Variants in MAP2 observed in about 807,000 individuals in gnomAD.
The protein encoded by MAP2 is microtubule associated protein 2.
Under a neutral mutation model 137.6 loss-of-function variants are expected in MAP2, and 14 were observed. The ratio of observed to expected loss-of-function variants is 0.10; its 90% CI spans 0.07 to 0.16. The LOEUF is 0.16. Ranked by LOEUF, MAP2 falls within the 10% of genes least tolerant of loss-of-function variation. The pLI, the probability that MAP2 is intolerant of heterozygous loss-of-function variation, is 1.00. For missense variants in MAP2, 2,088 were observed against 2,191.5 expected, an observed-to-expected ratio of 0.95 and a Z score of 0.94; for synonymous variants, 786 against 782.3, an observed-to-expected ratio of 1.00 and a Z score of -0.08.
intron 6 of MAP2, among the ~76,000 whole-genome samples, chr2:209,679,502 C>T (rs918839342): frequency 8.0e-5 from 12 of 150,704 alleles, no homozygotes; most frequent in South Asian, 2.1e-4. Context: ...GGTATATACA[C>T]GTGAGTCATA....
chr2:209,696,512 G>A (rs776897251), intron 8 of MAP2, 30 bp from the exon 9 acceptor site: 5 of 1,564,344 alleles, frequency 3.2e-6, no homozygotes, highest in Admixed American at 3.6e-5. Flanking sequence ...CACTGTTGTT[G>A]TTGTTGTCAT....
intron 3 of MAP2, among the ~76,000 whole-genome samples, chr2:209,623,453 A>G (rs1214291884): frequency 1.3e-5 from 2 of 152,186 alleles, no homozygotes; most frequent in South Asian, 2.1e-4. Flanking sequence ...AATCATGAAG[A>G]TGAAGCACAA....
chr2:209,652,804 A>C (rs1390487852), intron 4 of MAP2, among the ~76,000 whole-genome samples: 2 of 152,204 alleles, frequency 1.3e-5, no homozygotes, highest in Non-Finnish European at 2.9e-5. Context: ...ATTAAATGAA[A>C]GTTCATTAAG....
chr2:209,669,725 G>C (rs1433898505), intron 5 of MAP2, among the ~76,000 whole-genome samples: 2 of 151,854 alleles, frequency 1.3e-5, no homozygotes, highest in Admixed American at 6.6e-5. Context: ...GTACAGATGA[G>C]ACTTTAAAAG....
chr2:209,433,243 A>T (rs1401995690), intron 1 of MAP2, among the ~76,000 whole-genome samples: 1 of 152,164 alleles, frequency 6.6e-6, no homozygotes, highest in East Asian at 1.9e-4. Flanking sequence ...AATATACAAT[A>T]AACATATATA....
chr2:209,711,711 C>T (rs2065545156), intron 13 of MAP2, among the ~76,000 whole-genome samples: 1 of 152,092 alleles, frequency 6.6e-6, no homozygotes, highest in South Asian at 2.1e-4. Context: ...GTTGCATCAT[C>T]TTTATATTTA....
chr2:209,513,509 T>C (rs991111847), intron 2 of MAP2, among the ~76,000 whole-genome samples: 3 of 152,124 alleles, frequency 2.0e-5, no homozygotes, highest in Non-Finnish European at 2.9e-5. Flanking sequence ...CAAAACAGAA[T>C]ATAAACAATT....
At chr2:209,432,426 C>T (rs955080632) in intron 1 of MAP2, among the ~76,000 whole-genome samples, 25 of 152,070 alleles carry the variant, frequency 1.6e-4, no homozygotes, top group South Asian at 4.2e-4. Context: ...TTCATCTGCA[C>T]CCATGCTGCT....
intron 1 of MAP2, among the ~76,000 whole-genome samples, chr2:209,488,262 C>T (rs540057558): frequency 2.3e-4 from 35 of 152,340 alleles, no homozygotes; most frequent in Admixed American, 6.5e-4. Context: ...CCACATACTA[C>T]GCTTTTCCCA....
At chr2:209,549,712 G>A (rs2068786787) in intron 2 of MAP2, among the ~76,000 whole-genome samples, 1 of 152,172 alleles carries the variant, frequency 6.6e-6, no homozygotes, top group South Asian at 2.1e-4. Context: ...ACAATCACAA[G>A]TTGGACACTC....
rs181562712 is a variant in MAP2 at position 209,478,788 on chromosome 2, T to A, written c.-221-28804T>A. ...TCCACTCTAGATTTAATTATCTAAA[T>A]AGAAATGTTTTAATTGATGTCTTGT... On this transcript the variant is annotated intron_variant, in intron 1 of 15. Coordinates refer to ENST00000682079, the MANE Select transcript of MAP2 (RefSeq NM_001375505.1). 9.2e-5 allele frequency among the ~76,000 whole-genome samples: 14 copies of A among 152,334 alleles called. No homozygotes were observed. The East Asian group carries it at 2.7e-3, about 29-fold the overall frequency.
intron 1 of MAP2, among the ~76,000 whole-genome samples, chr2:209,479,822 T>C (rs893560846): frequency 4.6e-5 from 7 of 152,266 alleles, no homozygotes; most frequent in African/African-American, 1.7e-4. Flanking sequence ...AAATTATAAC[T>C]TTCTTCAGCC....
At chr2:209,518,209 G>A (rs2062788879) in intron 2 of MAP2, among the ~76,000 whole-genome samples, 1 of 152,072 alleles carries the variant, frequency 6.6e-6, no homozygotes, top group Non-Finnish European at 1.5e-5. Context: ...TGTATTAACA[G>A]TGGTTACTTT....
Position 209,695,368 on chromosome 2 carries a change from G to T in MAP2, c.3198G>T (p.Arg1066Ser). ...MASGLNIDDR[R>S]ATELKLEATQ... ...CAGGGCTAAACATAGATGATAGAAG[G>T]GCAACAGAGCTAAAACTTGAGGCTA... Residue 1066 changes from arginine (R) to serine (S), a missense_variant, in exon 8 of 16, where the codon AGG (arginine) becomes AGT (serine). Arg to Ser is a moderately radical substitution (Grantham distance 110). Transcript: ENST00000682079. The T allele has an allele frequency of 6.2e-7, 1 of 1,613,560 alleles. No homozygotes were observed. The highest frequency in any genetic ancestry group is 1.1e-5 in the South Asian group (1 of 90,968).
chr2:209,616,162 T>C (rs2089279959), intron 3 of MAP2, among the ~76,000 whole-genome samples: 1 of 151,868 alleles, frequency 6.6e-6, no homozygotes, highest in African/African-American at 2.4e-5. Context: ...AGGTACCAGC[T>C]ATAACACAGC....
At chr2:209,726,870 A>G (rs1201072621) in intron 14 of MAP2, among the ~76,000 whole-genome samples, 1 of 152,234 alleles carries the variant, frequency 6.6e-6, no homozygotes, top group Non-Finnish European at 1.5e-5. Context: ...TGAGAACAAA[A>G]GGAAAGCAAA....
chr2:209,611,943 C>T (rs766847359), intron 3 of MAP2, among the ~76,000 whole-genome samples: 3 of 152,046 alleles, frequency 2.0e-5, no homozygotes, highest in Non-Finnish European at 2.9e-5. Flanking sequence ...AACCTATTAG[C>T]GTGTATCACT....
chr2:209,437,383 C>T (rs1559161347), intron 1 of MAP2, among the ~76,000 whole-genome samples: 1 of 151,800 alleles, frequency 6.6e-6, no homozygotes, highest in Non-Finnish European at 1.5e-5. Flanking sequence ...TATTCTGTCT[C>T]TCTCCAGAAT....
At chr2:209,580,570 G>T (rs899768299) in intron 3 of MAP2, among the ~76,000 whole-genome samples, 1 of 152,076 alleles carries the variant, frequency 6.6e-6, no homozygotes, top group Non-Finnish European at 1.5e-5. Flanking sequence ...AGTATTGTTG[G>T]CTTTACAAAT....
Sources: allele counts gnomAD v4.1 joint callset (sites outside exome capture counted in the v4.1 genomes callset), GRCh38; gene constraint gnomAD v4.1.1; transcripts MANE v1.5; gene names NCBI Gene and HGNC (gene_info 2026-07-23, HGNC 2026-07-21).